PRR16: variants seen among roughly 807,000 people sequenced by gnomAD.
The protein encoded by PRR16 is protein Largen.
PRR16 carries 6 observed loss-of-function variants against 18.2 expected under a neutral mutation model. The ratio of observed to expected loss-of-function variants is 0.33; its 90% confidence interval spans 0.18 to 0.65. PRR16 has a LOEUF of 0.65. Among genes scored for constraint, PRR16 ranks in the 30% least tolerant of loss-of-function variants. The pLI is 0.74. For missense variants in PRR16, 412 were observed against 376.6 expected (o/e 1.09, Z -0.78); for synonymous variants, 151 against 147.8 (o/e 1.02, Z -0.16).
At chr5:120,747,140 T>A in the PRR16 span, among the ~76,000 whole-genome samples, 1 of 152,066 alleles carries the variant, frequency 6.6e-6, no homozygotes, top group Non-Finnish European at 1.5e-5. Flanking sequence ...CAAAGTTAAT[T>A]GTGATTGAAA....
chr5:120,770,115 C>T, the PRR16 span, among the ~76,000 whole-genome samples: 1 of 151,752 alleles, frequency 6.6e-6, no homozygotes, highest in Non-Finnish European at 1.5e-5. Flanking sequence ...CATGTGAAAC[C>T]AGAAAAGACC....
chr5:120,793,362 A>C, the PRR16 span, among the ~76,000 whole-genome samples: 2 of 152,142 alleles, frequency 1.3e-5, no homozygotes, highest in African/African-American at 4.8e-5. Flanking sequence ...AAGAAAAAAA[A>C]AGGTATATGG....
the PRR16 span, among the ~76,000 whole-genome samples, chr5:120,702,278 T>C: frequency 5.0e-3 from 185 of 37,196 alleles, 1 homozygote; most frequent in Admixed American, 0.011. Context: ...GGTCGGGGCA[T>C]GGAAATAAGG....
chr5:120,782,295 AC>A, the PRR16 span, among the ~76,000 whole-genome samples: 1 of 151,864 alleles, frequency 6.6e-6, no homozygotes, highest in African/African-American at 2.4e-5. Context: ...GTTCAGAAGT[AC>A]CCCCCTCCAA....
At chr5:120,546,469 G>T (rs1752077649) in intron 1 of PRR16, among the ~76,000 whole-genome samples, 1 of 152,028 alleles carries the variant, frequency 6.6e-6, no homozygotes, top group East Asian at 1.9e-4. Context: ...GCAGGAACCA[G>T]CAACAGCATG....
At chr5:120,526,193 C>T (rs928461143) in intron 1 of PRR16, among the ~76,000 whole-genome samples, 5 of 152,036 alleles carry the variant, frequency 3.3e-5, no homozygotes, top group Non-Finnish European at 7.4e-5. Context: ...AAGATCTCAT[C>T]CTGTGGTCAG....
the PRR16 span, among the ~76,000 whole-genome samples, chr5:120,719,786 TAGACTC>T: frequency 6.6e-6 from 1 of 152,086 alleles, no homozygotes; most frequent in Non-Finnish European, 1.5e-5. Context: ...TGGCACATCT[TAGACTC>T]AGTTAAGTTT....
At chr5:120,491,733 A>G (rs2112828352) in intron 1 of PRR16, among the ~76,000 whole-genome samples, 2 of 152,172 alleles carry the variant, frequency 1.3e-5, no homozygotes, top group South Asian at 4.1e-4. Context: ...TATTAGAGAC[A>G]GGGTTTCACC....
At chr5:120,607,475 G>A (rs1754191451) in intron 1 of PRR16, among the ~76,000 whole-genome samples, 1 of 152,148 alleles carries the variant, frequency 6.6e-6, no homozygotes, top group South Asian at 2.1e-4. Flanking sequence ...TTTCATTTGA[G>A]AATTACAGAG....
chr5:120,593,041 A>C (rs895948959), intron 1 of PRR16, among the ~76,000 whole-genome samples: 21 of 152,054 alleles, frequency 1.4e-4, no homozygotes, highest in African/African-American at 4.3e-4. Context: ...TTATAGTCCT[A>C]AATGCCCACA....
At chr5:120,730,517 C>T in the PRR16 span, among the ~76,000 whole-genome samples, 3 of 152,022 alleles carry the variant, frequency 2.0e-5, no homozygotes, top group Non-Finnish European at 4.4e-5. Context: ...AAAAATTAAC[C>T]AGTGAAGGTT....
chr5:120,628,222 A>G (rs1226163630), intron 1 of PRR16, among the ~76,000 whole-genome samples: 5 of 152,106 alleles, frequency 3.3e-5, no homozygotes, highest in African/African-American at 1.2e-4. Flanking sequence ...GCTGACAGTA[A>G]GGGAACAAAG....
chr5:120,465,303 C>A (rs571452274), intron 1 of PRR16, among the ~76,000 whole-genome samples: 2 of 152,362 alleles, frequency 1.3e-5, no homozygotes, highest in South Asian at 2.1e-4. Context: ...TAACTCTGGG[C>A]CTTCCCGCCA....
chr5:120,590,989 T>C (rs1753615510), intron 1 of PRR16, among the ~76,000 whole-genome samples: 1 of 152,018 alleles, frequency 6.6e-6, no homozygotes, highest in South Asian at 2.1e-4. Context: ...ATTAAATAAT[T>C]GTACTGTAGG....
At chr5:120,559,112 T>G (rs1752501093) in intron 1 of PRR16, among the ~76,000 whole-genome samples, 1 of 152,004 alleles carries the variant, frequency 6.6e-6, no homozygotes, top group Non-Finnish European at 1.5e-5. Context: ...CTTTATTGAT[T>G]GTTTCTTTTG....
At chr5:120,720,465 T>G in the PRR16 span, among the ~76,000 whole-genome samples, 8 of 152,166 alleles carry the variant, frequency 5.3e-5, no homozygotes, top group South Asian at 1.7e-3. Flanking sequence ...ATTCTTGAAA[T>G]GTCAGAGAAT....
At position 120,686,552 on chromosome 5, in the gene PRR16, C is replaced by G. The variant is rs1271569771; in HGVS notation, c.758C>G (p.Pro253Arg). 1.2e-6 allele frequency: 2 copies of G among 1,613,802 alleles called. No homozygotes were observed. Among genetic ancestry groups the G allele is most frequent in the Admixed American group, 1.7e-5 (1 of 59,972 alleles). The change falls in exon 2 of 2, where the codon CCT (proline) becomes CGT (arginine). Residue 253 changes from proline (P) to arginine (R), a missense_variant. Physicochemically the swap from Pro to Arg is moderately radical, Grantham distance 103. Transcript: ENST00000407149. ...KIPHQGPPLP[P>R]TPHLPPFPLE... Reference sequence around the variant, plus strand: ...CCTCACCAAGGCCCTCCCCTCCCTCCTACACCCCATCTCCCTCCTTTCCCA... The same window carrying G: ...CCTCACCAAGGCCCTCCCCTCCCTCGTACACCCCATCTCCCTCCTTTCCCA...
chr5:120,581,297 G>A (rs1381168751), intron 1 of PRR16, among the ~76,000 whole-genome samples: 2 of 152,092 alleles, frequency 1.3e-5, no homozygotes, highest in Non-Finnish European at 2.9e-5. Flanking sequence ...AGATTTTCCG[G>A]TTTATTTGCA....
At chr5:120,758,974 C>CTTTTTTTTT in the PRR16 span, among the ~76,000 whole-genome samples, 3 of 110,350 alleles carry the variant, frequency 2.7e-5, no homozygotes, top group African/African-American at 3.5e-5. Context: ...ACCATAATTT[C>CTTTTTTTTT]TTTTTTTTTT....
Sources: gnomAD v4.1 joint callset for allele counts (sites outside exome capture counted in the v4.1 genomes callset) on GRCh38, gnomAD v4.1.1 for gene constraint, MANE v1.5 for transcripts, NCBI Gene and HGNC (gene_info 2026-07-23, HGNC 2026-07-21) for gene names.